The following MPV17 variants were observed in gnomAD, a reference collection of about 807,000 sequenced individuals.
The protein encoded by MPV17 is mitochondrial inner membrane protein MPV17.
A neutral mutation model predicts 28.6 loss-of-function variants in MPV17; 31 were observed. That is an observed-to-expected ratio of 1.08 (90% confidence interval 0.81 to 1.46). MPV17 has a LOEUF of 1.46. MPV17 is among the 40% of genes most tolerant of loss of function. The pLI is 0.00. For missense variants in MPV17, 198 were observed against 216.2 expected (o/e 0.92, Z 0.53); for synonymous variants, 87 against 85.3 (o/e 1.02, Z -0.11).
At chr2:27,310,889 C>G (rs1178522303) in intron 7 of MPV17, among the ~76,000 whole-genome samples, 1 of 151,778 alleles carries the variant, frequency 6.6e-6, no homozygotes, top group Non-Finnish European at 1.5e-5. Flanking sequence ...GGACTACAGG[C>G]ACCTGCCACC....
In MPV17 at chr2:27,317,240, A is replaced by G. The variant is rs535850423; in HGVS notation, c.71-4131T>C. 2 of 1,540,310 alleles carry G rather than the reference A, an allele frequency of 1.3e-6. No homozygotes were observed. Among genetic ancestry groups the G allele is most frequent in the African/African-American group, 2.7e-5 (2 of 72,748 alleles). On this transcript the variant is annotated intron_variant, in intron 2 of 7. Transcript: ENST00000380044. This position sits in a 1 kb window ranked among gnomAD's most constrained non-coding sequence, Gnocchi z 4.0. Reference sequence around the variant, plus strand: ...CTGCCTTCCTCCCCAGAAGTCTGCAAACATTAGTTAGCTGCCTAGGATAGG... The same window carrying G: ...CTGCCTTCCTCCCCAGAAGTCTGCAGACATTAGTTAGCTGCCTAGGATAGG...
intron 7 of MPV17, among the ~76,000 whole-genome samples, chr2:27,310,627 G>A (rs190088888): frequency 6.6e-5 from 10 of 152,288 alleles, no homozygotes; most frequent in Admixed American, 2.6e-4. Context: ...CGAAATGTAC[G>A]GACTATCATA....
chr2:27,320,456 C>A (rs1050361268), intron 2 of MPV17, among the ~76,000 whole-genome samples: 2 of 151,728 alleles, frequency 1.3e-5, no homozygotes, highest in Admixed American at 6.6e-5. Context: ...CCTGCCTCAG[C>A]CTCCCAAGTA....
intron 2 of MPV17, 134 bp downstream of exon 2, chr2:27,322,314 G>A: frequency 3.6e-6 from 3 of 832,558 alleles, no homozygotes; most frequent in Non-Finnish European, 6.2e-6. Flanking sequence ...ACTGGGGACA[G>A]TGTAGGATGA....
In MPV17 at chr2:27,317,139, G is replaced by A. The variant is rs1679686726; in HGVS notation, c.71-4030C>T. ...GGGGCAAGAAGTGGCTTCTTGGAGTGAGGAGCAGGAAGCGTGTCCTTCAGT... is the reference window on the plus strand; with the variant it reads ...GGGGCAAGAAGTGGCTTCTTGGAGTAAGGAGCAGGAAGCGTGTCCTTCAGT... On this transcript the variant is annotated intron_variant, in intron 2 of 7. Transcript: ENST00000380044. This position sits in a 1 kb window ranked among gnomAD's most constrained non-coding sequence, Gnocchi z 4.0. The A allele has an allele frequency of 1.9e-6, 3 of 1,550,280 alleles. No individual in the cohort carries two copies. Among genetic ancestry groups the A allele is most frequent in the African/African-American group, 2.7e-5 (2 of 73,144 alleles).
At chr2:27,313,795 C>T (rs1679548848) in intron 2 of MPV17, among the ~76,000 whole-genome samples, 1 of 152,134 alleles carries the variant, frequency 6.6e-6, no homozygotes, top group African/African-American at 2.4e-5. Context: ...TCACTGCAAC[C>T]TCTGCCTCCC....
In MPV17 at chr2:27,317,113, A is replaced by AG. The variant is rs375344391; in HGVS notation, c.71-4005dup. The AG allele has an allele frequency of 6.5e-4, 1,012 of 1,549,690 alleles. 6 individuals carry two copies. In the African/African-American group the frequency reaches 0.012, roughly 19 times the overall value. Reference sequence around the variant, plus strand: ...TTTGAGTTTCATGCGCAGAAGGCAGAGGGGCAAGAAGTGGCTTCTTGGAGT... The same window carrying AG: ...TTTGAGTTTCATGCGCAGAAGGCAGAGGGGGCAAGAAGTGGCTTCTTGGAGT... On this transcript the variant is annotated intron_variant, in intron 2 of 7. Coordinates refer to ENST00000380044, the MANE Select transcript of MPV17 (RefSeq NM_002437.5). This position sits in a 1 kb window ranked among gnomAD's most constrained non-coding sequence, Gnocchi z 4.0.
chr2:27,316,986 C>T, intron 2 of MPV17: 1 of 1,236,432 alleles, frequency 8.1e-7, no homozygotes, highest in Non-Finnish European at 1.1e-6. Flanking sequence ...CCACTTCCTG[C>T]CCACTAGTGG....
chr2:27,322,202 T>C, intron 2 of MPV17: 2 of 583,296 alleles, frequency 3.4e-6, no homozygotes, highest in East Asian at 2.9e-5. Context: ...GGGCTGACTG[T>C]TCAGCTTTTT....
At chr2:27,310,013 G>A (rs750850283) in intron 7 of MPV17, 32 bp from the exon 8 acceptor site, 5 of 1,567,628 alleles carry the variant, frequency 3.2e-6, no homozygotes, top group Non-Finnish European at 4.4e-6. Flanking sequence ...ATGAAGAGGA[G>A]GAAGGCTAAG....
chr2:27,316,506 G>A (rs746451687), intron 2 of MPV17, among the ~76,000 whole-genome samples: 1 of 152,192 alleles, frequency 6.6e-6, no homozygotes, highest in Non-Finnish European at 1.5e-5. Flanking sequence ...TGTGCCTGCA[G>A]CAACTCCAAG....
At chr2:27,310,754 G>GT (rs937610230) in intron 7 of MPV17, among the ~76,000 whole-genome samples, 12 of 151,660 alleles carry the variant, frequency 7.9e-5, no homozygotes, top group South Asian at 2.1e-4. Flanking sequence ...GTTTTTTCGG[G>GT]TTTTTTTTGA....
intron 4 of MPV17, 31 bp from the exon 5 acceptor site, chr2:27,312,620 G>A: frequency 6.2e-7 from 1 of 1,613,058 alleles, no homozygotes; most frequent in Non-Finnish European, 8.5e-7. Flanking sequence ...TCCTATGAGT[G>A]CTGAAATCCC....
chr2:27,312,719 G>C lies in MPV17; in HGVS notation c.240C>G (p.Thr80=). 1 of 1,614,214 alleles carries C rather than the reference G, an allele frequency of 6.2e-7. No homozygotes were observed. Among genetic ancestry groups the C allele is most frequent in the Non-Finnish European group, 8.5e-7 (1 of 1,180,044 alleles). The stretch of plus-strand genomic sequence containing the variant: ...TCTTCTTCAGTGCATCCACTTTGGT[G>C]GTGCCAGGGATGAACCGATCCAAAA... The part of the protein sequence containing the change: ...YKVLDRFIPG[T]TKVDALKKML... The change falls in exon 4 of 8, where the codon ACC becomes ACG. Residue 80 remains threonine, a synonymous_variant. Coordinates refer to ENST00000380044, the MANE Select transcript of MPV17 (RefSeq NM_002437.5).
chr2:27,311,897 A>G lies in MPV17; in HGVS notation c.461+2T>C, dbSNP rs138199394. ...GATGGGTGGGGTAGGGGTGCAACAT[A>G]CCTGTAATGAAGGGGGACCAGGTAG... is the stretch of plus-strand genomic sequence containing the variant. On this transcript the variant is annotated splice_donor_variant, in intron 7 of 7. Transcript: ENST00000380044. LOFTEE classifies it high-confidence loss of function. The G allele has an allele frequency of 2.2e-5, 35 of 1,613,626 alleles. No homozygotes were observed. In the African/African-American group the frequency reaches 3.9e-4, roughly 18 times the overall value.
At position 27,309,497 on chromosome 2, in the gene MPV17, G is replaced by A. The variant is rs1006532273; in HGVS notation, c.*415C>T. On this transcript the variant is annotated 3_prime_UTR_variant, in exon 8 of 8. Transcript: ENST00000380044. ...TTACTCATTACCACTGCAGATTCCG[G>A]ATTACATATTTAATAACATATTTAC... 10 of 282,310 alleles carry A rather than the reference G, an allele frequency of 3.5e-5. No homozygotes were observed. The highest frequency in any genetic ancestry group is 9.5e-5 in the Admixed American group (2 of 21,112). The allele number at this position is 282,310 out of a possible 1,614,324, so 17.5% of individuals were successfully genotyped here. A position where few individuals can be genotyped will look rare whatever the true frequency, so the allele number is the denominator to read the frequency against.
At chr2:27,312,611 C>G in intron 4 of MPV17, 22 bp from the exon 5 acceptor site, 1 of 1,613,790 alleles carries the variant, frequency 6.2e-7, no homozygotes, top group Non-Finnish European at 8.5e-7. Flanking sequence ...AAATTAAAGT[C>G]CTATGAGTGC....
chr2:27,313,336 G>C (rs1378096896), intron 2 of MPV17: 1 of 968,068 alleles, frequency 1.0e-6, no homozygotes, highest in African/African-American at 1.6e-5. Context: ...AGCAGACCCA[G>C]GTCCAGGAAC....
At chr2:27,312,064 G>T in intron 6 of MPV17, 113 bp from the exon 7 acceptor site, 1 of 1,467,488 alleles carries the variant, frequency 6.8e-7, no homozygotes, top group Non-Finnish European at 9.5e-7. Context: ...GAACAGTTGG[G>T]TGATGGCTTC....
Sources: gnomAD v4.1 joint callset for allele counts (sites outside exome capture counted in the v4.1 genomes callset) on GRCh38, gnomAD v4.1.1 for gene constraint, Gnocchi (gnomAD v3.1) non-coding constraint, MANE v1.5 for transcripts, NCBI Gene and HGNC (gene_info 2026-07-23, HGNC 2026-07-21) for gene names.